The following GREB1 variants were observed in gnomAD, a reference collection of about 807,000 sequenced individuals.
GREB1 encodes protein GREB1.
In GREB1, 106 loss-of-function variants were observed where a neutral mutation model predicts 200.7. The observed-to-expected ratio is 0.53, with a 90% confidence interval of 0.45 to 0.62. The LOEUF (loss-of-function observed/expected upper bound fraction) is 0.62, where lower values mean the gene tolerates loss of function less well. GREB1 is among the 20% of genes least tolerant of loss of function. The probability of loss-of-function intolerance (pLI) is 0.00; values close to 1 mark genes in which losing one functional copy is unlikely to be tolerated. For synonymous variants in GREB1, 1,132 were observed against 1,092.4 expected (o/e 1.04, Z -0.72); for missense variants, 2,243 against 2,556.8 (o/e 0.88, Z 2.65).
At chr2:11,509,954 T>C (rs1203385610) in intron 1 of GREB1, among the ~76,000 whole-genome samples, 1 of 152,260 alleles carries the variant, frequency 6.6e-6, no homozygotes, top group African/African-American at 2.4e-5. Flanking sequence ...TTCATTAGCA[T>C]GTTTTTGCAG....
chr2:11,508,506 G>C (rs1315099222), intron 1 of GREB1, among the ~76,000 whole-genome samples: 1 of 152,166 alleles, frequency 6.6e-6, no homozygotes, highest in African/African-American at 2.4e-5. Context: ...GTGTGGCAAA[G>C]GTTTGTTTTG....
At chr2:11,563,177 T>G (rs960306068) in intron 3 of GREB1, 2 of 152,192 alleles carry the variant, frequency 1.3e-5, no homozygotes, top group African/African-American at 4.8e-5. Flanking sequence ...TTCACCATGT[T>G]GACCAGGCTG....
chr2:11,539,645 T>C (rs1674575771), intron 1 of GREB1, among the ~76,000 whole-genome samples: 1 of 152,144 alleles, frequency 6.6e-6, no homozygotes, highest in Non-Finnish European at 1.5e-5. Context: ...TAACTGTTGG[T>C]GGTTAGACAG....
At chr2:11,574,797 G>A (rs1678674858) in intron 4 of GREB1, among the ~76,000 whole-genome samples, 1 of 152,222 alleles carries the variant, frequency 6.6e-6, no homozygotes, top group South Asian at 2.1e-4. Flanking sequence ...CTGGTTCCCT[G>A]TGAGTGTTAG....
intron 26 of GREB1, among the ~76,000 whole-genome samples, chr2:11,631,182 C>A (rs1056479223): frequency 1.3e-5 from 2 of 152,134 alleles, no homozygotes; most frequent in African/African-American, 4.8e-5. Context: ...GGCAGGTGCT[C>A]TGAGGAATTC....
At chr2:11,544,309 C>T (rs1469710732) in intron 1 of GREB1, among the ~76,000 whole-genome samples, 3 of 151,828 alleles carry the variant, frequency 2.0e-5, no homozygotes, top group South Asian at 4.2e-4. Flanking sequence ...CTCCGCCTCC[C>T]AGGTTCACGC....
chr2:11,495,933 T>G (rs1672873395), intron 1 of GREB1, among the ~76,000 whole-genome samples: 1 of 151,994 alleles, frequency 6.6e-6, no homozygotes, highest in African/African-American at 2.4e-5. Flanking sequence ...GCAGCAGCCT[T>G]GGGACGGACG....
rs1683758669 is a variant in GREB1 at position 11,618,914 on chromosome 2, C to A, written c.4039C>A (p.Pro1347Thr). 10 of 1,514,878 alleles carry A rather than the reference C, an allele frequency of 6.6e-6. No homozygotes were observed. The highest frequency in any genetic ancestry group is 8.8e-6 in the Non-Finnish European group (10 of 1,135,234). The allele number at this position is 1,514,878 out of a possible 1,614,324, so 93.8% of individuals were successfully genotyped here. A position where few individuals can be genotyped will look rare whatever the true frequency, so the allele number is the denominator to read the frequency against. Residue 1347 changes from proline (P) to threonine (T), a missense_variant, in exon 22 of 33, where the codon CCT (proline) becomes ACT (threonine). Around this residue, in one of 3 missense-constraint regions of GREB1, gnomAD observed 587 missense variants for 553.1 expected, o/e 1.06. Transcript: ENST00000381486. ...HPRRLLLSGPPQIGKTGAYLQ... is the reference protein window; with the variant it reads ...HPRRLLLSGPTQIGKTGAYLQ... ...CCGCAGGCTGCTGCTCAGCGGCCCC[C>A]CTCAGGTGAGTGTTGCTCGCTGCCC...
intron 9 of GREB1, among the ~76,000 whole-genome samples, chr2:11,586,186 T>A (rs1316538696): frequency 6.6e-6 from 1 of 152,208 alleles, no homozygotes; most frequent in Non-Finnish European, 1.5e-5. Flanking sequence ...ACTCATTCTT[T>A]CCTTCGTTTG....
intron 1 of GREB1, among the ~76,000 whole-genome samples, chr2:11,524,070 C>G (rs1002076906): frequency 1.3e-5 from 2 of 151,686 alleles, no homozygotes; most frequent in South Asian, 2.1e-4. Flanking sequence ...CACACACACA[C>G]AGAGTACACA....
chr2:11,541,118 G>T (rs2148521903), intron 1 of GREB1, among the ~76,000 whole-genome samples: 1 of 152,320 alleles, frequency 6.6e-6, no homozygotes, highest in African/African-American at 2.4e-5. Context: ...TGTCCCTGTG[G>T]CTGGCCAGGG....
At chr2:11,515,141 C>CCCAA (rs1673455456) in intron 1 of GREB1, among the ~76,000 whole-genome samples, 1 of 149,226 alleles carries the variant, frequency 6.7e-6, no homozygotes, top group Non-Finnish European at 1.5e-5. Flanking sequence ...CATCCACCCA[C>CCCAA]CCCCCATCCG....
rs1173984809 is a variant in GREB1 at position 11,593,116 on chromosome 2, C to T, written c.1686C>T (p.Ile562=). The T allele has an allele frequency of 1.2e-6, 2 of 1,600,488 alleles. No individual in the cohort carries two copies. Among genetic ancestry groups the T allele is most frequent in the East Asian group, 2.2e-5 (1 of 44,562 alleles). ...GCAGCGCGGCCATCGACTCCTGCATCGCCGTCACCGGTGAGCTCTGGGCCG... is the reference window on the plus strand; with the variant it reads ...GCAGCGCGGCCATCGACTCCTGCATTGCCGTCACCGGTGAGCTCTGGGCCG... ...ACRSAAIDSC[I]AVTGKYQARI... The change falls in exon 11 of 33, where the codon ATC becomes ATT. Residue 562 remains isoleucine, a synonymous_variant. Coordinates refer to ENST00000381486, the MANE Select transcript of GREB1 (RefSeq NM_014668.4).
chr2:11,484,317 T>G (rs1348635094), intron 1 of GREB1, among the ~76,000 whole-genome samples: 1 of 151,962 alleles, frequency 6.6e-6, no homozygotes, highest in African/African-American at 2.4e-5. Context: ...GGTGAGGAGA[T>G]CTTTCTACAG....
At chr2:11,616,518 A>G in intron 20 of GREB1, 113 bp from the exon 21 acceptor site, 2 of 740,194 alleles carry the variant, frequency 2.7e-6, no homozygotes, top group South Asian at 3.1e-5. Flanking sequence ...GTGAATGAGT[A>G]AATGGATGGG....
intron 1 of GREB1, among the ~76,000 whole-genome samples, chr2:11,507,341 A>G (rs2002730): frequency 0.98 from 147,551 of 150,396 alleles, 72,412 homozygotes; most frequent in South Asian, 1. Context: ...CCCGGGAGGC[A>G]GAGGTTATAG....
intron 1 of GREB1, among the ~76,000 whole-genome samples, chr2:11,519,098 G>GAA (rs568322870): frequency 1.2e-4 from 8 of 64,620 alleles, no homozygotes; most frequent in Non-Finnish European, 1.3e-4. Flanking sequence ...CTCCGTCTCA[G>GAA]AAAAAAAAAA....
chr2:11,609,563 T>A (rs1682733256), intron 17 of GREB1, among the ~76,000 whole-genome samples: 1 of 152,194 alleles, frequency 6.6e-6, no homozygotes, highest in African/African-American at 2.4e-5. Flanking sequence ...GAGCAGTCCC[T>A]GGGCTGCTGA....
At chr2:11,509,041 AT>A (rs1170090723) in intron 1 of GREB1, among the ~76,000 whole-genome samples, 143 of 151,428 alleles carry the variant, frequency 9.4e-4, no homozygotes, top group African/African-American at 3.2e-3. Flanking sequence ...CGCCCGGCTA[AT>A]TTTTTTGTAT....
Sources: gnomAD v4.1 joint callset for allele counts (sites outside exome capture counted in the v4.1 genomes callset) on GRCh38, gnomAD v4.1.1 for gene constraint, gnomAD v4.1.1 regional missense constraint, MANE v1.5 for transcripts, NCBI Gene and HGNC (gene_info 2026-07-23, HGNC 2026-07-21) for gene names.